Variants in TLL1 observed in about 807,000 individuals in gnomAD.
TLL1 encodes tolloid like 1.
Under a neutral mutation model 128.2 loss-of-function variants are expected in TLL1, and 49 were observed. The ratio of observed to expected loss-of-function variants is 0.38; its 90% CI spans 0.30 to 0.48. The LOEUF (loss-of-function observed/expected upper bound fraction) is 0.48. Among genes scored for constraint, TLL1 ranks in the 20% least tolerant of loss-of-function variants. TLL1 has a pLI of 0.96. For missense variants in TLL1, 1,123 were observed against 1,242.0 expected (o/e 0.90, Z 1.44); for synonymous variants, 454 against 418.8 (o/e 1.08, Z -1.03).
At chr4:165,881,363 CCTT>C (rs1310222682) in intron 1 of TLL1, among the ~76,000 whole-genome samples, 1 of 152,226 alleles carries the variant, frequency 6.6e-6, no homozygotes, top group Non-Finnish European at 1.5e-5. Flanking sequence ...CATTATCCCT[CCTT>C]CTGGATACGT....
intron 10 of TLL1, among the ~76,000 whole-genome samples, chr4:166,040,143 T>C (rs1739180096): frequency 6.6e-6 from 1 of 152,176 alleles, no homozygotes; most frequent in African/African-American, 2.4e-5. Flanking sequence ...ATATTGATCT[T>C]TTTCTGAGAT....
chr4:165,879,312 C>T (rs900530466), intron 1 of TLL1, among the ~76,000 whole-genome samples: 1 of 152,036 alleles, frequency 6.6e-6, no homozygotes, highest in African/African-American at 2.4e-5. Flanking sequence ...TATTGTCTTC[C>T]TCTATTGTGT....
At chr4:165,893,631 T>G (rs1243147994) in intron 1 of TLL1, among the ~76,000 whole-genome samples, 2 of 152,062 alleles carry the variant, frequency 1.3e-5, no homozygotes, top group African/African-American at 4.8e-5. Context: ...GGGAGGACAC[T>G]CCCTATGGCT....
intron 16 of TLL1, among the ~76,000 whole-genome samples, chr4:166,070,244 GA>G (rs1740752033): frequency 6.6e-6 from 1 of 151,874 alleles, no homozygotes; most frequent in Non-Finnish European, 1.5e-5. Context: ...AATTTTAAGT[GA>G]GGAAGCAAAG....
chr4:166,032,583 G>GA (rs1350557878), intron 9 of TLL1, among the ~76,000 whole-genome samples: 26 of 152,146 alleles, frequency 1.7e-4, no homozygotes, highest in African/African-American at 6.0e-4. Context: ...AATAAATTGG[G>GA]AAAATGGATT....
At chr4:165,938,794 T>G (rs1160695749) in intron 1 of TLL1, among the ~76,000 whole-genome samples, 4 of 151,612 alleles carry the variant, frequency 2.6e-5, no homozygotes, top group Non-Finnish European at 4.4e-5. Context: ...TTTTTTTTTT[T>G]GTACTCCTTT....
intron 1 of TLL1, among the ~76,000 whole-genome samples, chr4:165,953,244 T>C (rs1446948250): frequency 6.6e-6 from 1 of 152,048 alleles, no homozygotes; most frequent in East Asian, 1.9e-4. Flanking sequence ...GTGTATATAG[T>C]ATTTGTCCTT....
intron 1 of TLL1, among the ~76,000 whole-genome samples, chr4:165,918,087 C>T (rs1045475581): frequency 2.6e-5 from 4 of 152,022 alleles, no homozygotes; most frequent in Non-Finnish European, 5.9e-5. Flanking sequence ...TACATATACA[C>T]ATGCATAAGA....
intron 7 of TLL1, among the ~76,000 whole-genome samples, 180 bp from the exon 8 acceptor site, chr4:166,014,256 A>G (rs1377876770): frequency 6.6e-6 from 1 of 151,984 alleles, no homozygotes; most frequent in African/African-American, 2.4e-5. Context: ...ATACACATTT[A>G]ACATGCTTTT....
At chr4:165,901,004 AT>A (rs35599554) in intron 1 of TLL1, among the ~76,000 whole-genome samples, 1 of 151,154 alleles carries the variant, frequency 6.6e-6, no homozygotes, top group Non-Finnish European at 1.5e-5. Flanking sequence ...AACCTCTGAT[AT>A]TTTTTCTTCT....
At chr4:166,005,047 A>C (rs2111036465) in intron 6 of TLL1, among the ~76,000 whole-genome samples, 1 of 152,144 alleles carries the variant, frequency 6.6e-6, no homozygotes, top group African/African-American at 2.4e-5. Context: ...AAGAGGAAGA[A>C]GAGGAAATAG....
At chr4:166,090,327 T>C (rs1741704753) in intron 18 of TLL1, among the ~76,000 whole-genome samples, 1 of 152,232 alleles carries the variant, frequency 6.6e-6, no homozygotes, top group African/African-American at 2.4e-5. Context: ...GCTTGGACAA[T>C]ATTATTTTCA....
chr4:165,977,887 A>G (rs1735964163), intron 1 of TLL1, among the ~76,000 whole-genome samples: 1 of 152,128 alleles, frequency 6.6e-6, no homozygotes, highest in South Asian at 2.1e-4. Flanking sequence ...TTTAAAATAC[A>G]TTTCTGTATA....
intron 19 of TLL1, among the ~76,000 whole-genome samples, chr4:166,096,881 G>T (rs1029026712): frequency 1.3e-5 from 2 of 152,060 alleles, no homozygotes; most frequent in African/African-American, 4.8e-5. Flanking sequence ...TCTAATAGAA[G>T]ATTAATAGTG....
At chr4:165,974,156 T>TTTTTTTTTC (rs1735765449) in intron 1 of TLL1, among the ~76,000 whole-genome samples, 1 of 122,084 alleles carries the variant, frequency 8.2e-6, no homozygotes, top group South Asian at 2.3e-4. Flanking sequence ...TTTTTTTTTT[T>TTTTTTTTTC]TTGAGACGGA....
At chr4:166,029,392 T>A (rs1364918020) in intron 9 of TLL1, among the ~76,000 whole-genome samples, 1 of 152,106 alleles carries the variant, frequency 6.6e-6, no homozygotes, top group Admixed American at 6.6e-5. Context: ...TTGATACCTT[T>A]TTTTAATCAA....
intron 1 of TLL1, among the ~76,000 whole-genome samples, chr4:165,960,016 C>G (rs1455086301): frequency 6.6e-6 from 1 of 151,620 alleles, no homozygotes. Flanking sequence ...AAATAAAGAC[C>G]CAAAAATCCA....
At chr4:166,015,624 T>C (rs2111052985) in intron 8 of TLL1, among the ~76,000 whole-genome samples, 1 of 152,144 alleles carries the variant, frequency 6.6e-6, no homozygotes, top group African/African-American at 2.4e-5. Context: ...CGTTGACATA[T>C]GGTATAGAAC....
chr4:165,940,151 A>G (rs745727883), intron 1 of TLL1, among the ~76,000 whole-genome samples: 2 of 151,924 alleles, frequency 1.3e-5, no homozygotes, highest in Non-Finnish European at 2.9e-5. Flanking sequence ...TTCTTTCTGG[A>G]CATTTTCATT....
Sources: gnomAD v4.1 joint callset for allele counts (sites outside exome capture counted in the v4.1 genomes callset) on GRCh38, gnomAD v4.1.1 for gene constraint, MANE v1.5 for transcripts, NCBI Gene and HGNC (gene_info 2026-07-23, HGNC 2026-07-21) for gene names.